The following TSPEAR variants were observed in gnomAD, a reference collection of about 807,000 sequenced individuals.
TSPEAR encodes thrombospondin-type laminin G domain and EAR repeat-containing protein.
Under a neutral mutation model 71.6 loss-of-function variants are expected in TSPEAR, and 69 were observed. The ratio of observed to expected loss-of-function variants is 0.96; its 90% CI spans 0.79 to 1.18. TSPEAR has a LOEUF of 1.18. Among genes scored for constraint, TSPEAR ranks in the 50% most tolerant of loss-of-function variants. The pLI is 0.00. For synonymous variants in TSPEAR, 402 were observed against 387.2 expected (o/e 1.04, Z -0.45); for missense variants, 971 against 894.9 (o/e 1.09, Z -1.09).
At position 44,612,674 on chromosome 21, in the gene TSPEAR, A is replaced by G. The variant is rs1981787189; in HGVS notation, c.83-44669T>C. On this transcript the variant is annotated intron_variant, in intron 1 of 11. Coordinates refer to ENST00000323084, the MANE Select transcript of TSPEAR (RefSeq NM_144991.3). The surrounding 1 kb of genome is among the most constrained non-coding windows in gnomAD (Gnocchi z 4.1). ...TTCCTCTCTGTGCTGCCAGAAGTCT[A>G]GCTGCCAGCCGGCTTGCTGCACCAC... 1.2e-6 allele frequency: 2 copies of G among 1,613,794 alleles called. No homozygotes were observed. The highest frequency in any genetic ancestry group is 3.3e-5 in the Admixed American group (2 of 59,996).
intron 2 of TSPEAR, among the ~76,000 whole-genome samples, chr21:44,549,755 T>C (rs2053369300): frequency 2.0e-5 from 3 of 152,262 alleles, no homozygotes; most frequent in Admixed American, 1.3e-4. Context: ...TGTGTCCCCA[T>C]GCTGTCCTGC....
rs373833886 is a variant in TSPEAR at position 44,567,926 on chromosome 21, G to A, written c.162C>T (p.His54=). 1.3e-5 allele frequency: 21 copies of A among 1,603,574 alleles called. No homozygotes were observed. The highest frequency in any genetic ancestry group is 1.6e-5 in the Non-Finnish European group (19 of 1,173,936). Residue 54 remains histidine, a synonymous_variant, in exon 2 of 12, where the codon CAC becomes CAT. Transcript: ENST00000323084. ...ATSGIRIVQV[H]GARGLQLSVA... ...CTGAGAGCTGGAGTCCCCGTGCACC[G>A]TGAACCTGAACTATCCTGATCCCGC...
At chr21:44,676,291 G>A in intron 1 of TSPEAR, 2 of 1,222,946 alleles carry the variant, frequency 1.6e-6, no homozygotes, top group Non-Finnish European at 2.4e-6. Flanking sequence ...GGACTCTGGA[G>A]GGATAGCTGT....
chr21:44,559,022 G>A (rs1286573212), intron 2 of TSPEAR, among the ~76,000 whole-genome samples: 1 of 152,138 alleles, frequency 6.6e-6, no homozygotes, highest in African/African-American at 2.4e-5. Flanking sequence ...GAAATATATT[G>A]ATTGCATCAA....
chr21:44,666,973 G>A (rs1364289061), intron 1 of TSPEAR: 10 of 1,427,762 alleles, frequency 7.0e-6, no homozygotes, highest in Non-Finnish European at 8.6e-6. Flanking sequence ...CTGGGCCCAG[G>A]CATCCCCACA....
chr21:44,637,144 G>A (rs1255209187), intron 1 of TSPEAR, among the ~76,000 whole-genome samples: 3 of 152,196 alleles, frequency 2.0e-5, no homozygotes, highest in Non-Finnish European at 4.4e-5. Context: ...GTTCCCGGGA[G>A]ACAGGCTCAG....
intron 1 of TSPEAR, among the ~76,000 whole-genome samples, chr21:44,632,700 G>A (rs930522401): frequency 6.6e-6 from 1 of 152,140 alleles, no homozygotes; most frequent in African/African-American, 2.4e-5. Context: ...AAAAATAGCT[G>A]AGTGTGGTGG....
intron 7 of TSPEAR, among the ~76,000 whole-genome samples, chr21:44,526,168 G>T (rs1326037368): frequency 6.6e-6 from 1 of 152,190 alleles, no homozygotes; most frequent in Non-Finnish European, 1.5e-5. Flanking sequence ...TAACCCAGAT[G>T]ACCAGAAAAA....
intron 2 of TSPEAR, among the ~76,000 whole-genome samples, chr21:44,540,706 A>G (rs1456395101): frequency 6.6e-6 from 1 of 152,218 alleles, no homozygotes; most frequent in Non-Finnish European, 1.5e-5. Context: ...GTGGCCCTGC[A>G]CATTCCTTCC....
chr21:44,602,457 A>G (rs1981011759), intron 1 of TSPEAR, among the ~76,000 whole-genome samples: 1 of 152,210 alleles, frequency 6.6e-6, no homozygotes, highest in Admixed American at 6.5e-5. Context: ...AGGAAACCCC[A>G]TGGCCGTGTG....
chr21:44,624,196 T>G (rs1021366306), intron 1 of TSPEAR, among the ~76,000 whole-genome samples: 5 of 152,264 alleles, frequency 3.3e-5, no homozygotes, highest in African/African-American at 1.2e-4. Context: ...GTCTAGCTAA[T>G]CTACTTAGTT....
At chr21:44,585,304 G>A (rs1979268739) in intron 1 of TSPEAR, among the ~76,000 whole-genome samples, 1 of 152,118 alleles carries the variant, frequency 6.6e-6, no homozygotes, top group African/African-American at 2.4e-5. Flanking sequence ...TAATCTTCTT[G>A]TGAAGCTTTT....
intron 1 of TSPEAR, among the ~76,000 whole-genome samples, chr21:44,653,380 G>A (rs138122109): frequency 4.3e-4 from 66 of 152,204 alleles, no homozygotes; most frequent in African/African-American, 1.2e-3. Flanking sequence ...AACCCGGGGC[G>A]GAGCCTCTGA....
chr21:44,550,175 G>T (rs1332631103), intron 2 of TSPEAR, among the ~76,000 whole-genome samples: 1 of 152,272 alleles, frequency 6.6e-6, no homozygotes, highest in African/African-American at 2.4e-5. Flanking sequence ...GGACCTGGGA[G>T]GGGAGCCGGA....
chr21:44,659,769 G>C (rs937920784), intron 1 of TSPEAR, among the ~76,000 whole-genome samples: 14 of 152,236 alleles, frequency 9.2e-5, no homozygotes, highest in South Asian at 2.1e-4. Context: ...CTGGGTAAAA[G>C]AGCAAGACAC....
chr21:44,565,994 A>C (rs1346059007), intron 2 of TSPEAR, among the ~76,000 whole-genome samples: 1 of 152,242 alleles, frequency 6.6e-6, no homozygotes, highest in African/African-American at 2.4e-5. Context: ...AGCCTGGCCA[A>C]CATGGCGAAA....
chr21:44,562,415 T>C (rs1408746474), intron 2 of TSPEAR, among the ~76,000 whole-genome samples: 1 of 152,322 alleles, frequency 6.6e-6, no homozygotes, highest in East Asian at 1.9e-4. Context: ...CCCCAAGTAA[T>C]TTATAGATTC....
rs77446663 is a variant in TSPEAR at position 44,638,026 on chromosome 21, C to T, written c.83-70021G>A. On this transcript the variant is annotated intron_variant, in intron 1 of 11. Coordinates refer to ENST00000323084, the MANE Select transcript of TSPEAR (RefSeq NM_144991.3). ...ACCCTGTGTGCAAGTCCACCTGCTG[C>T]GTGCCCGTCCCCTCCTGCGGTGCCT... is the stretch of plus-strand genomic sequence containing the variant. 9.9e-4 allele frequency: 1,584 copies of T among 1,602,334 alleles called. 3 individuals carry two copies. The African/African-American group carries it at 0.018, about 18-fold the overall frequency.
At chr21:44,602,411 C>A (rs902164007) in intron 1 of TSPEAR, among the ~76,000 whole-genome samples, 1 of 152,228 alleles carries the variant, frequency 6.6e-6, no homozygotes, top group Non-Finnish European at 1.5e-5. Flanking sequence ...GGGGCCTCCC[C>A]AGAAACTGGG....
Sources: gnomAD v4.1 joint callset for allele counts (sites outside exome capture counted in the v4.1 genomes callset) on GRCh38, gnomAD v4.1.1 for gene constraint, Gnocchi (gnomAD v3.1) non-coding constraint, MANE v1.5 for transcripts, NCBI Gene and HGNC (gene_info 2026-07-23, HGNC 2026-07-21) for gene names.